DYSF: variants seen among roughly 807,000 people sequenced by gnomAD.
DYSF encodes the protein dystrophy-associated fer-1-like 1.
A neutral mutation model predicts 274.9 loss-of-function variants in DYSF; 212 were observed. That is an observed-to-expected ratio of 0.77 (90% CI 0.69 to 0.86). DYSF has a LOEUF of 0.86. Ranked by LOEUF, DYSF falls within the 40% of genes least tolerant of loss-of-function variation. The pLI is 0.00. For synonymous variants in DYSF, 1,091 were observed against 1,078.7 expected, an observed-to-expected ratio of 1.01 and a Z score of -0.22; for missense variants, 2,666 against 2,783.2, an observed-to-expected ratio of 0.96 and a Z score of 0.95.
At chr2:71,677,727 G>A (rs934310682) in intron 52 of DYSF, among the ~76,000 whole-genome samples, 11 of 152,110 alleles carry the variant, frequency 7.2e-5, no homozygotes, top group Non-Finnish European at 1.5e-4. Context: ...CTGGTGTGCT[G>A]GGACATTGGT....
intron 36 of DYSF, among the ~76,000 whole-genome samples, chr2:71,603,559 T>C (rs1529409): frequency 0.89 from 135,860 of 152,212 alleles, 60,810 homozygotes; most frequent in Admixed American, 0.94. Context: ...ATTTTCAGTG[T>C]AATTTGGACT....
At chr2:71,551,229 C>T in intron 18 of DYSF, 73 bp downstream of exon 18, 4 of 1,483,330 alleles carry the variant, frequency 2.7e-6, no homozygotes, top group Non-Finnish European at 2.8e-6. Flanking sequence ...GGCCTGCATG[C>T]AGGGTCTTCC....
intron 10 of DYSF, among the ~76,000 whole-genome samples, chr2:71,519,109 A>AAT (rs1432015807): frequency 6.6e-6 from 1 of 150,698 alleles, no homozygotes; most frequent in Non-Finnish European, 1.5e-5. Flanking sequence ...AAAAAAAAAA[A>AAT]AAAAAAAAAA....
intron 14 of DYSF, among the ~76,000 whole-genome samples, chr2:71,531,591 G>T (rs927911374): frequency 4.0e-5 from 6 of 151,708 alleles, no homozygotes; most frequent in African/African-American, 1.5e-4. Context: ...CACAGGACAC[G>T]TATCAAAGGA....
Position 71,522,431 on chromosome 2 carries a change from T to C in DYSF, c.1149+1527T>C, listed in dbSNP as rs1573715926. 1.3e-4 allele frequency among the ~76,000 whole-genome samples: 20 copies of C among 152,276 alleles called. No individual in the cohort carries two copies. In the East Asian group the frequency reaches 3.7e-3, roughly 28 times the overall value. On this transcript the variant is annotated intron_variant, in intron 12 of 55. Coordinates refer to ENST00000410020, the MANE Select transcript of DYSF (RefSeq NM_001130987.2). ...TGCACCACTGCTCCATAGCGTTCGA[T>C]TCTGGAGCCCACGCCTTATTTGAAA...
chr2:71,567,274 C>T (rs1422055616), intron 24 of DYSF, among the ~76,000 whole-genome samples: 1 of 152,134 alleles, frequency 6.6e-6, no homozygotes, highest in Admixed American at 6.5e-5. Flanking sequence ...TGCTGATAAT[C>T]ACTTGAAAGG....
rs775254512 is a variant in DYSF at position 71,612,663 on chromosome 2, A to G, written c.4244A>G (p.Tyr1415Cys). 5 of 1,613,998 alleles carry G rather than the reference A, an allele frequency of 3.1e-6. No homozygotes were observed. The highest frequency in any genetic ancestry group is 2.5e-6 in the Non-Finnish European group (3 of 1,179,974). Residue 1415 changes from tyrosine to cysteine, a missense_variant, in exon 39 of 56, where the codon TAC becomes TGC. By Grantham distance (194) the Tyr-to-Cys change is radical. This residue lies in a region of DYSF where 1,460 missense variants were observed against 1,502.1 expected (regional missense o/e 0.97). Coordinates refer to ENST00000410020, the MANE Select transcript of DYSF (RefSeq NM_001130987.2). ...MEVMLPREEL[Y>C]CPPITVKVID... Reference sequence around the variant, plus strand: ...CAGATGCTGCCCAGGGAGGAGCTCTACTGCCCCCCCATCACCGTCAAGGTC... The same window carrying G: ...CAGATGCTGCCCAGGGAGGAGCTCTGCTGCCCCCCCATCACCGTCAAGGTC...
intron 22 of DYSF, 51 bp downstream of exon 22, chr2:71,556,122 C>A: frequency 6.8e-7 from 1 of 1,465,110 alleles, no homozygotes; most frequent in South Asian, 1.2e-5. Context: ...CTCAACTGGG[C>A]CTGTTTCGCT....
intron 51 of DYSF, among the ~76,000 whole-genome samples, chr2:71,671,385 G>A (rs907387121): frequency 2.6e-5 from 4 of 152,248 alleles, no homozygotes; most frequent in Admixed American, 2.6e-4. Flanking sequence ...CCAAGACACA[G>A]CACTGCCCCA....
intron 33 of DYSF, among the ~76,000 whole-genome samples, chr2:71,600,256 G>A (rs1334385685): frequency 3.3e-5 from 5 of 152,206 alleles, no homozygotes; most frequent in Non-Finnish European, 7.3e-5. Flanking sequence ...TTTGATGAAC[G>A]TGATCACAGT....
rs780844859 is a variant in DYSF at position 71,574,382 on chromosome 2, C to G, written c.3402+11C>G. ...CTTGAGGGGGCCCTGGTATGTGGGG[C>G]TGCACTTGTCCTGGCTTGGGTAGGG... On this transcript the variant is annotated intron_variant, in intron 30 of 55. Coordinates refer to ENST00000410020, the MANE Select transcript of DYSF (RefSeq NM_001130987.2). 3.8e-5 allele frequency: 61 copies of G among 1,612,680 alleles called. No homozygotes were observed. The highest frequency in any genetic ancestry group is 4.7e-5 in the Non-Finnish European group (56 of 1,179,096).
intron 32 of DYSF, among the ~76,000 whole-genome samples, chr2:71,593,947 C>T (rs780051177): frequency 2.0e-5 from 3 of 152,204 alleles, no homozygotes; most frequent in Non-Finnish European, 4.4e-5. Context: ...CCAGATGCCA[C>T]GTCATTTATT....
chr2:71,579,852 T>C (rs1187836404), intron 30 of DYSF, among the ~76,000 whole-genome samples: 2 of 152,222 alleles, frequency 1.3e-5, no homozygotes, highest in African/African-American at 4.8e-5. Context: ...AGTGCAGCCA[T>C]TGACGGTTTG....
intron 39 of DYSF, 91 bp from the exon 40 acceptor site, chr2:71,613,243 G>A (rs186413996): frequency 1.7e-6 from 2 of 1,157,510 alleles, no homozygotes; most frequent in Non-Finnish European, 2.5e-6. Context: ...GCAGGGTCTT[G>A]TCTTGGTCCC....
intron 41 of DYSF, among the ~76,000 whole-genome samples, 176 bp downstream of exon 41, chr2:71,620,785 T>G (rs1453812446): frequency 3.9e-5 from 6 of 152,138 alleles, no homozygotes; most frequent in African/African-American, 1.4e-4. Context: ...GAGAGAAAGC[T>G]ATGGAGTAGA....
chr2:71,465,118 A>G (rs556100216), upstream of DYSF, among the ~76,000 whole-genome samples: 2 of 152,258 alleles, frequency 1.3e-5, no homozygotes, highest in East Asian at 3.9e-4. Flanking sequence ...TGCTTTCTTG[A>G]GAGCAATAAC....
chr2:71,553,752 A>AAACCCCCCCCCCCCCCACCACACG, intron 20 of DYSF, 55 bp from the exon 21 acceptor site: 1 of 267,804 alleles, frequency 3.7e-6, no homozygotes, highest in Non-Finnish European at 6.7e-6. Flanking sequence ...TTAGCACCCC[A>AAACCCCCCCCCCCCCCACCACACG]TCCCACCCGC....
At position 71,561,654 on chromosome 2, in the gene DYSF, G is replaced by T. The variant is rs576156648; in HGVS notation, c.2217-98G>T. 11 of 1,432,768 alleles carry T rather than the reference G, an allele frequency of 7.7e-6. No homozygotes were observed. The African/African-American group carries it at 1.5e-4, about 20-fold the overall frequency. The allele number at this position is 1,432,768 out of a possible 1,614,324, so 88.8% of individuals were successfully genotyped here. ...GAAGGCACCCAGCAGGCAGGCGGAG[G>T]GGGTGGGGCCTGCTGTGAGAACCTG... On this transcript the variant is annotated intron_variant, in intron 22 of 55. Transcript: ENST00000410020.
intron 3 of DYSF, among the ~76,000 whole-genome samples, chr2:71,497,347 C>T (rs1445805511): frequency 5.3e-5 from 8 of 152,186 alleles, no homozygotes; most frequent in African/African-American, 1.9e-4. Flanking sequence ...CTGTAGTTCT[C>T]ATAATCCCCA....
Sources: gnomAD v4.1 joint callset for allele counts (sites outside exome capture counted in the v4.1 genomes callset) on GRCh38, gnomAD v4.1.1 for gene constraint, gnomAD v4.1.1 regional missense constraint, MANE v1.5 for transcripts, NCBI Gene and HGNC (gene_info 2026-07-23, HGNC 2026-07-21) for gene names.